RNGTT: variants seen among roughly 807,000 people sequenced by gnomAD.
RNGTT encodes RNA guanylyltransferase and 5'-phosphatase, also known as mRNA-capping enzyme.
A neutral mutation model predicts 79.3 loss-of-function variants in RNGTT; 33 were observed. That is an observed-to-expected ratio of 0.42 (90% CI 0.32 to 0.56). The LOEUF (loss-of-function observed/expected upper bound fraction) is 0.56. Ranked by LOEUF, RNGTT falls within the 20% of genes least tolerant of loss-of-function variation. RNGTT has a pLI of 0.17. For missense variants in RNGTT, 497 were observed against 739.1 expected (o/e 0.67, Z 3.80); for synonymous variants, 222 against 235.9 (o/e 0.94, Z 0.54).
intron 13 of RNGTT, among the ~76,000 whole-genome samples, chr6:88,710,240 A>T (rs1480025121): frequency 6.6e-6 from 1 of 152,228 alleles, no homozygotes; most frequent in Non-Finnish European, 1.5e-5. Context: ...TTTCTATTCA[A>T]CCAGTGTGCA....
chr6:88,725,704 G>A (rs1204908686), intron 13 of RNGTT, among the ~76,000 whole-genome samples: 1 of 152,172 alleles, frequency 6.6e-6, no homozygotes, highest in Non-Finnish European at 1.5e-5. Flanking sequence ...CCCCATGAGT[G>A]GGGGTTGAAC....
At chr6:88,758,289 T>C (rs1260679270) in intron 13 of RNGTT, among the ~76,000 whole-genome samples, 1 of 152,204 alleles carries the variant, frequency 6.6e-6, no homozygotes, top group Non-Finnish European at 1.5e-5. Flanking sequence ...GCTGTGATAA[T>C]TGTAATTCAG....
chr6:88,950,858 T>C (rs1355492757), intron 1 of RNGTT, among the ~76,000 whole-genome samples: 1 of 138,480 alleles, frequency 7.2e-6, no homozygotes, highest in Non-Finnish European at 1.6e-5. Context: ...ATAACTGTTT[T>C]TGGTTTTTTT....
intron 6 of RNGTT, among the ~76,000 whole-genome samples, chr6:88,895,255 G>GTGTGTA (rs1464241956): frequency 6.6e-6 from 1 of 151,648 alleles, no homozygotes; most frequent in Non-Finnish European, 1.5e-5. Flanking sequence ...GTGTGTGTGT[G>GTGTGTA]TGTGTGTGTG....
rs1394759097 is a variant in RNGTT, at chr6:88,611,577, T to C, written c.*1142A>G. On this transcript the variant is annotated 3_prime_UTR_variant, in exon 16 of 16. Transcript: ENST00000369485. ...ATCAGTAAACATTTTAAAATTCAGA[T>C]GTATAACAGAAATAACATCCGCAGA... The C allele has an allele frequency of 2.6e-5, 4 of 152,364 alleles. No individual in the cohort carries two copies. The highest frequency in any genetic ancestry group is 1.9e-4 in the East Asian group (1 of 5,196). The allele number at this position is 152,364 out of a possible 1,614,324, so 9.4% of individuals were successfully genotyped here. A position where few individuals can be genotyped will look rare whatever the true frequency, so the allele number is the denominator to read the frequency against.
At chr6:88,685,278 G>A (rs957396685) in intron 13 of RNGTT, among the ~76,000 whole-genome samples, 1 of 152,018 alleles carries the variant, frequency 6.6e-6, no homozygotes, top group Admixed American at 6.6e-5. Flanking sequence ...TAAACCCAAT[G>A]GAAACTATGG....
chr6:88,962,076 C>T (rs900926155), intron 1 of RNGTT, among the ~76,000 whole-genome samples: 71 of 152,146 alleles, frequency 4.7e-4, no homozygotes, highest in African/African-American at 1.6e-3. Flanking sequence ...AAGAAGAGTA[C>T]TCACTATATG....
intron 13 of RNGTT, among the ~76,000 whole-genome samples, chr6:88,710,599 T>C (rs1413142552): frequency 6.6e-6 from 1 of 152,202 alleles, no homozygotes; most frequent in Non-Finnish European, 1.5e-5. Flanking sequence ...AACCTGTTCA[T>C]AACTACTGGT....
rs1272039518 is a variant in RNGTT at position 88,853,693 on chromosome 6, G to C, written c.968C>G (p.Ser323Ter). ...IDRDNSVFHVSNLEFPFRKDL... is the reference protein window; with the variant it reads ...IDRDNSVFHV ...TTTACGAAATGGAAATTCCAGATTT[G>C]AAACATGAAATACTGAATTGTCTCT... is the stretch of plus-strand genomic sequence containing the variant. Residue 323 changes from serine to a stop codon, truncating the protein, a stop_gained, in exon 9 of 16, where the codon TCA (serine) becomes TGA (stop). Transcript: ENST00000369485. LOFTEE classifies it high-confidence loss of function. 1 of 1,589,712 alleles carries C rather than the reference G, an allele frequency of 6.3e-7. No individual in the cohort carries two copies.
At chr6:88,953,378 G>A (rs901169443) in intron 1 of RNGTT, among the ~76,000 whole-genome samples, 9 of 152,048 alleles carry the variant, frequency 5.9e-5, no homozygotes, top group African/African-American at 2.2e-4. Context: ...AAGTACTTCA[G>A]AGCTCGAAGA....
At chr6:88,822,303 G>A (rs564700363) in intron 11 of RNGTT, among the ~76,000 whole-genome samples, 2 of 152,104 alleles carry the variant, frequency 1.3e-5, no homozygotes, top group East Asian at 1.9e-4. Context: ...ACACAGATAC[G>A]TAGAAAACAA....
chr6:88,657,237 T>C (rs1371095440), intron 14 of RNGTT, among the ~76,000 whole-genome samples: 2 of 152,162 alleles, frequency 1.3e-5, no homozygotes, highest in Non-Finnish European at 2.9e-5. Context: ...CTTCTGAACA[T>C]ATATCCCCAC....
intron 14 of RNGTT, among the ~76,000 whole-genome samples, chr6:88,677,673 G>C (rs1774927353): frequency 6.6e-6 from 1 of 151,986 alleles, no homozygotes; most frequent in South Asian, 2.1e-4. Flanking sequence ...ATGTTGCCCA[G>C]GCTAGTCTCG....
intron 13 of RNGTT, among the ~76,000 whole-genome samples, chr6:88,686,274 T>G (rs1775274795): frequency 6.6e-6 from 1 of 151,364 alleles, no homozygotes; most frequent in Non-Finnish European, 1.5e-5. Flanking sequence ...TGCAAGAAAT[T>G]TAAGAAAACC....
chr6:88,763,247 G>A (rs12207226), intron 13 of RNGTT, among the ~76,000 whole-genome samples: 4 of 151,988 alleles, frequency 2.6e-5, no homozygotes, highest in African/African-American at 9.7e-5. Context: ...CCTGGTGGAA[G>A]AGTTATTTTG....
chr6:88,616,713 A>G (rs1772237124), intron 14 of RNGTT, among the ~76,000 whole-genome samples: 1 of 152,158 alleles, frequency 6.6e-6, no homozygotes, highest in Non-Finnish European at 1.5e-5. Flanking sequence ...AGTATACAAG[A>G]AACTTTGTCA....
intron 11 of RNGTT, among the ~76,000 whole-genome samples, chr6:88,834,959 A>G (rs1344863936): frequency 6.6e-6 from 1 of 152,170 alleles, no homozygotes; most frequent in East Asian, 1.9e-4. Flanking sequence ...TAAATGTAGT[A>G]AAAGAATAAC....
chr6:88,672,366 A>G (rs1238625636), intron 14 of RNGTT, among the ~76,000 whole-genome samples: 2 of 152,084 alleles, frequency 1.3e-5, no homozygotes, highest in African/African-American at 2.4e-5. Flanking sequence ...ATGAAATACT[A>G]CTCAGCTATA....
chr6:88,817,088 C>T (rs1040140334), intron 11 of RNGTT, among the ~76,000 whole-genome samples: 1 of 151,922 alleles, frequency 6.6e-6, no homozygotes, highest in Non-Finnish European at 1.5e-5. Context: ...TGAAGAACAA[C>T]GGTGGCACCT....
Sources: gnomAD v4.1 joint callset for allele counts (sites outside exome capture counted in the v4.1 genomes callset) on GRCh38, gnomAD v4.1.1 for gene constraint, MANE v1.5 for transcripts, NCBI Gene and HGNC (gene_info 2026-07-23, HGNC 2026-07-21) for gene names.